Variants in EEPD1 observed in about 807,000 individuals in gnomAD.
EEPD1 encodes the protein endonuclease/exonuclease/phosphatase family domain-containing protein 1.
EEPD1 carries 17 observed loss-of-function variants against 46.3 expected under a neutral mutation model. The ratio of observed to expected loss-of-function variants is 0.37; its 90% CI spans 0.25 to 0.55. EEPD1 has a LOEUF of 0.55. Ranked by LOEUF, EEPD1 falls within the 20% of genes least tolerant of loss-of-function variation. EEPD1 has a pLI of 0.83. For missense variants in EEPD1, 673 were observed against 745.6 expected (o/e 0.90, Z 1.13); for synonymous variants, 313 against 315.6 (o/e 0.99, Z 0.09).
At chr7:36,257,657 T>C (rs1163451501) in intron 3 of EEPD1, among the ~76,000 whole-genome samples, 1 of 152,254 alleles carries the variant, frequency 6.6e-6, no homozygotes, top group Non-Finnish European at 1.5e-5. Flanking sequence ...TCTCATGCTG[T>C]GGTTTTCAGC....
intron 2 of EEPD1, among the ~76,000 whole-genome samples, chr7:36,229,801 C>T (rs1221364023): frequency 6.6e-6 from 1 of 152,168 alleles, no homozygotes; most frequent in Non-Finnish European, 1.5e-5. Context: ...TCCATAACAG[C>T]CTCCCATTCC....
Position 36,268,069 on chromosome 7 carries a change from T to C in EEPD1, c.931-13046T>C, listed in dbSNP as rs201025123. On this transcript the variant is annotated intron_variant, in intron 3 of 7. Transcript: ENST00000242108. Reference sequence around the variant, plus strand: ...TATTTGTTTTTTGAGCCACCCAGTCTGTGGTATTCCTTGAAGCAGCCCTGA... The same window carrying C: ...TATTTGTTTTTTGAGCCACCCAGTCCGTGGTATTCCTTGAAGCAGCCCTGA... Among the ~76,000 whole-genome samples the C allele has an allele frequency of 6.6e-5, 10 of 152,302 alleles. No homozygotes were observed. The East Asian group carries it at 1.9e-3, about 29-fold the overall frequency.
At chr7:36,283,021 T>C (rs1315905230) in intron 4 of EEPD1, among the ~76,000 whole-genome samples, 1 of 148,794 alleles carries the variant, frequency 6.7e-6, no homozygotes, top group Non-Finnish European at 1.5e-5. Context: ...CCTGAAATTC[T>C]GCCCCAGGCA....
At chr7:36,271,829 CTATTCTAT>C (rs1787108040) in intron 3 of EEPD1, among the ~76,000 whole-genome samples, 1 of 56,482 alleles carries the variant, frequency 1.8e-5, no homozygotes, top group Non-Finnish European at 4.3e-5. Context: ...CTATTCTATT[CTATTCTAT>C]TCTATTCTAT....
chr7:36,162,261 A>T (rs1388176734), intron 2 of EEPD1, among the ~76,000 whole-genome samples: 1 of 152,224 alleles, frequency 6.6e-6, no homozygotes, highest in Non-Finnish European at 1.5e-5. Flanking sequence ...GCTGAACTCA[A>T]GTGGCTGGGA....
At chr7:36,209,259 C>CT (rs766492642) in intron 2 of EEPD1, among the ~76,000 whole-genome samples, 44 of 152,308 alleles carry the variant, frequency 2.9e-4, no homozygotes, top group Admixed American at 7.8e-4. Flanking sequence ...CTCACTGTCT[C>CT]TTAGCAACCT....
chr7:36,196,941 G>C (rs1317095804), intron 2 of EEPD1, among the ~76,000 whole-genome samples: 1 of 150,610 alleles, frequency 6.6e-6, no homozygotes, highest in Non-Finnish European at 1.5e-5. Context: ...GCCTCTTCCG[G>C]GCCGCCATCC....
At chr7:36,246,047 TG>T (rs1786635457) in intron 3 of EEPD1, among the ~76,000 whole-genome samples, 1 of 152,228 alleles carries the variant, frequency 6.6e-6, no homozygotes, top group East Asian at 1.9e-4. Flanking sequence ...CCCTTTCAAA[TG>T]GCTTCCTGCA....
intron 3 of EEPD1, among the ~76,000 whole-genome samples, chr7:36,271,854 CTATTCTATTCTATTCTATTCTATTCTAT>C (rs1787109013): frequency 1.7e-5 from 1 of 57,536 alleles, no homozygotes; most frequent in South Asian, 4.3e-4. Context: ...CTATTCTATT[CTATTCTATTCTATTCTATTCTATTCTAT>C]TGTATTCTAT....
At chr7:36,183,051 C>G (rs753504642) in intron 2 of EEPD1, among the ~76,000 whole-genome samples, 10 of 152,320 alleles carry the variant, frequency 6.6e-5, no homozygotes, top group Non-Finnish European at 1.2e-4. Flanking sequence ...GGACAGGGCT[C>G]AGGCAGGCTT....
At position 36,217,460 on chromosome 7, in the gene EEPD1, T is replaced by A. The variant is rs150934657; in HGVS notation, c.879-21525T>A. On this transcript the variant is annotated intron_variant, in intron 2 of 7. Coordinates refer to ENST00000242108, the MANE Select transcript of EEPD1 (RefSeq NM_030636.3). ...TTGGTTTTGGTAGGGTTGGGCCAGCTTCTTTACTGCAGCCTCTTTTATCAG... is the reference window on the plus strand; with the variant it reads ...TTGGTTTTGGTAGGGTTGGGCCAGCATCTTTACTGCAGCCTCTTTTATCAG... 3.6e-3 allele frequency among the ~76,000 whole-genome samples: 541 copies of A among 152,354 alleles called. 4 individuals are homozygous for A. Among genetic ancestry groups the A allele is most frequent in the African/African-American group, 0.012 (508 of 41,584 alleles).
At chr7:36,196,673 C>T (rs1419277808) in intron 2 of EEPD1, among the ~76,000 whole-genome samples, 7 of 152,242 alleles carry the variant, frequency 4.6e-5, no homozygotes, top group East Asian at 1.9e-4. Context: ...CTCGGCCTCC[C>T]GAAGTGCCGG....
chr7:36,299,284 G>A lies in EEPD1; in HGVS notation c.*78G>A. The A allele has an allele frequency of 1.4e-6, 2 of 1,474,098 alleles. No individual in the cohort carries two copies. The highest frequency in any genetic ancestry group is 1.8e-6 in the Non-Finnish European group (2 of 1,090,244). The allele number at this position is 1,474,098 out of a possible 1,614,324, so 91.3% of individuals were successfully genotyped here. A position where few individuals can be genotyped will look rare whatever the true frequency, so the allele number is the denominator to read the frequency against. On this transcript the variant is annotated 3_prime_UTR_variant, in exon 8 of 8. Transcript: ENST00000242108. The stretch of plus-strand genomic sequence containing the variant: ...ATGAGCCCTGTGGGGTGACGCTTCA[G>A]GGCAGAGCTGCCTTTTAATTTTTAT...
intron 3 of EEPD1, among the ~76,000 whole-genome samples, chr7:36,265,161 G>T (rs767879547): frequency 1.3e-5 from 2 of 152,202 alleles, no homozygotes; most frequent in Non-Finnish European, 2.9e-5. Context: ...CAACCAGAGC[G>T]ATTTCCCTGA....
At chr7:36,223,224 T>G (rs1786178097) in intron 2 of EEPD1, among the ~76,000 whole-genome samples, 1 of 151,888 alleles carries the variant, frequency 6.6e-6, no homozygotes, top group African/African-American at 2.4e-5. Flanking sequence ...TAATAAGAAA[T>G]AAATTTTAAC....
chr7:36,164,559 T>A (rs4723484), intron 2 of EEPD1, among the ~76,000 whole-genome samples: 19,404 of 152,258 alleles, frequency 0.13, 1,430 homozygotes, highest in African/African-American at 0.2. Flanking sequence ...CCCATGTTGT[T>A]TATTTAAGCT....
At chr7:36,165,045 G>A (rs565482036) in intron 2 of EEPD1, among the ~76,000 whole-genome samples, 1,410 of 139,810 alleles carry the variant, frequency 0.01, 18 homozygotes, top group African/African-American at 0.036. Context: ...AGTGAAGAAA[G>A]AAAAAACTTT....
intron 4 of EEPD1, among the ~76,000 whole-genome samples, chr7:36,281,980 A>G (rs1787270229): frequency 6.6e-6 from 1 of 152,266 alleles, no homozygotes. Context: ...CTCTTAAATC[A>G]TAAATGTATA....
intron 3 of EEPD1, among the ~76,000 whole-genome samples, chr7:36,267,047 A>G (rs1280063865): frequency 6.6e-6 from 1 of 152,116 alleles, no homozygotes; most frequent in Non-Finnish European, 1.5e-5. Flanking sequence ...ATGTACAAGT[A>G]TTTGTCTGAA....
Sources: gnomAD v4.1 joint callset for allele counts (sites outside exome capture counted in the v4.1 genomes callset) on GRCh38, gnomAD v4.1.1 for gene constraint, MANE v1.5 for transcripts, NCBI Gene and HGNC (gene_info 2026-07-23, HGNC 2026-07-21) for gene names.